SLC49A4: variants seen among roughly 807,000 people sequenced by gnomAD.
SLC49A4 encodes the protein solute carrier family 49 member 4.
SLC49A4 carries 36 observed loss-of-function variants against 50.6 expected under a neutral mutation model. The observed-to-expected ratio is 0.71, with a 90% CI of 0.55 to 0.94. The LOEUF (loss-of-function observed/expected upper bound fraction) is 0.94, where lower values mean the gene tolerates loss of function less well. Ranked by LOEUF, SLC49A4 falls within the 40% of genes least tolerant of loss-of-function variation. The pLI is 0.00. For synonymous variants in SLC49A4, 248 were observed against 241.2 expected (o/e 1.03, Z -0.26); for missense variants, 503 against 605.7 (o/e 0.83, Z 1.78).
At chr3:122,796,684 G>T (rs187463542) in intron 1 of SLC49A4, among the ~76,000 whole-genome samples, 1 of 152,304 alleles carries the variant, frequency 6.6e-6, no homozygotes, top group East Asian at 1.9e-4. Context: ...CCTTCCAAAG[G>T]CTGCACCTTC....
chr3:122,819,770 A>G (rs1936425765), intron 2 of SLC49A4, among the ~76,000 whole-genome samples: 1 of 151,588 alleles, frequency 6.6e-6, no homozygotes, highest in African/African-American at 2.4e-5. Context: ...AAGGAAAACT[A>G]TTTCCAGCAC....
chr3:122,826,378 A>G (rs1007312405), intron 2 of SLC49A4, among the ~76,000 whole-genome samples: 4 of 152,202 alleles, frequency 2.6e-5, no homozygotes, highest in Admixed American at 1.3e-4. Flanking sequence ...ACCTGGATCT[A>G]AACTTCAGCT....
At chr3:122,830,715 C>T (rs901756703) in intron 3 of SLC49A4, among the ~76,000 whole-genome samples, 2 of 152,076 alleles carry the variant, frequency 1.3e-5, no homozygotes, top group African/African-American at 4.8e-5. Flanking sequence ...ATCTTTATGA[C>T]CTTGGATTAG....
At chr3:122,864,274 T>G (rs1353737682) in intron 7 of SLC49A4, among the ~76,000 whole-genome samples, 1 of 152,224 alleles carries the variant, frequency 6.6e-6, no homozygotes, top group Non-Finnish European at 1.5e-5. Flanking sequence ...ATTGAAGTAC[T>G]TAGAATAGGG....
rs554310756 is a variant in SLC49A4 at position 122,821,689 on chromosome 3, C to G, written c.438-5111C>G. ...TGCCCAGAAGACAAAACTGCCTCCT[C>G]ACACTCCTAACTTCTGCCCACCCTT... On this transcript the variant is annotated intron_variant, in intron 2 of 8. Transcript: ENST00000261038. 1.1e-3 allele frequency among the ~76,000 whole-genome samples: 161 copies of G among 152,336 alleles called. 3 individuals carry two copies. In the South Asian group the frequency reaches 0.032, roughly 30 times the overall value.
intron 1 of SLC49A4, among the ~76,000 whole-genome samples, chr3:122,802,492 G>A (rs545895107): frequency 2.0e-5 from 3 of 152,292 alleles, no homozygotes; most frequent in African/African-American, 7.2e-5. Context: ...ATACATGTGA[G>A]GAAATTAGCC....
chr3:122,857,217 A>T (rs1295924603), intron 6 of SLC49A4, among the ~76,000 whole-genome samples: 1 of 149,772 alleles, frequency 6.7e-6, no homozygotes, highest in African/African-American at 2.5e-5. Context: ...ACTCTCTTTG[A>T]TCATAACCTA....
intron 7 of SLC49A4, among the ~76,000 whole-genome samples, chr3:122,865,353 C>T (rs1236817639): frequency 6.6e-6 from 1 of 152,144 alleles, no homozygotes; most frequent in Non-Finnish European, 1.5e-5. Flanking sequence ...AGTGAGCGTT[C>T]CATGATTTAA....
At chr3:122,834,022 C>T (rs545971816) in intron 4 of SLC49A4, among the ~76,000 whole-genome samples, 1 of 152,114 alleles carries the variant, frequency 6.6e-6, no homozygotes, top group African/African-American at 2.4e-5. Flanking sequence ...CTCTTGAAGG[C>T]TCAAATGCCC....
chr3:122,858,514 G>GTGCAT (rs1458227809), intron 6 of SLC49A4, among the ~76,000 whole-genome samples: 2 of 152,110 alleles, frequency 1.3e-5, no homozygotes, highest in African/African-American at 4.8e-5. Context: ...ACAAATTTAA[G>GTGCAT]TCACTGGGCA....
chr3:122,862,772 T>C (rs1937072890), intron 7 of SLC49A4, among the ~76,000 whole-genome samples: 1 of 152,236 alleles, frequency 6.6e-6, no homozygotes, highest in Admixed American at 6.5e-5. Context: ...TTCCATTAAA[T>C]TTTATGTATT....
intron 6 of SLC49A4, among the ~76,000 whole-genome samples, chr3:122,856,836 CAAAA>C (rs11375250): frequency 1.4e-5 from 1 of 71,074 alleles, no homozygotes; most frequent in Non-Finnish European, 2.9e-5. Context: ...GACTCCATCT[CAAAA>C]AAAAAAAAAA....
intron 3 of SLC49A4, 149 bp downstream of exon 3, chr3:122,827,214 G>C: frequency 2.3e-6 from 2 of 861,952 alleles, no homozygotes; most frequent in Non-Finnish European, 3.5e-6. Context: ...CTTGTCATAT[G>C]ATATAGAGAT....
intron 2 of SLC49A4, among the ~76,000 whole-genome samples, chr3:122,816,901 G>A (rs538576175): frequency 6.6e-6 from 1 of 152,228 alleles, no homozygotes; most frequent in Admixed American, 6.5e-5. Flanking sequence ...TAATAACAAG[G>A]CCCCAGCTAT....
intron 2 of SLC49A4, among the ~76,000 whole-genome samples, chr3:122,823,688 T>C (rs1936484081): frequency 6.6e-6 from 1 of 152,236 alleles, no homozygotes; most frequent in East Asian, 1.9e-4. Flanking sequence ...AATGTTCATA[T>C]GATTTTATGA....
intron 7 of SLC49A4, among the ~76,000 whole-genome samples, chr3:122,863,456 T>C (rs1469867245): frequency 2.6e-5 from 4 of 152,234 alleles, no homozygotes; most frequent in Non-Finnish European, 5.9e-5. Context: ...GTCACTCTTA[T>C]TCAGCACTTG....
chr3:122,850,629 A>G (rs1277556030), intron 5 of SLC49A4, among the ~76,000 whole-genome samples: 3 of 151,004 alleles, frequency 2.0e-5, no homozygotes, highest in Non-Finnish European at 2.9e-5. Flanking sequence ...CACCTCAGCC[A>G]CCCAAGTAGC....
At chr3:122,811,775 A>G (rs906062052) in intron 2 of SLC49A4, among the ~76,000 whole-genome samples, 2 of 152,166 alleles carry the variant, frequency 1.3e-5, no homozygotes, top group East Asian at 3.8e-4. Context: ...TCTCCAAAAT[A>G]TATTGTTTAG....
intron 2 of SLC49A4, among the ~76,000 whole-genome samples, chr3:122,813,212 C>T (rs1222921753): frequency 6.7e-6 from 1 of 150,118 alleles, no homozygotes; most frequent in East Asian, 1.9e-4. Context: ...CTGCACTCTA[C>T]CCTGGGCGAT....
Sources: allele counts gnomAD v4.1 joint callset (sites outside exome capture counted in the v4.1 genomes callset), GRCh38; gene constraint gnomAD v4.1.1; transcripts MANE v1.5; gene names NCBI Gene and HGNC (gene_info 2026-07-23, HGNC 2026-07-21).